Variants in RBFOX1 observed in about 807,000 individuals in gnomAD.
RBFOX1 encodes the protein RNA binding fox-1 homolog 1, also known as RNA binding protein fox-1 homolog 1.
In RBFOX1, 8 loss-of-function variants were observed where a neutral mutation model predicts 57.7. The observed-to-expected ratio is 0.14, with a 90% CI of 0.08 to 0.25. The LOEUF (loss-of-function observed/expected upper bound fraction) is 0.25. RBFOX1 is among the 10% of genes least tolerant of loss of function. The pLI, the probability that RBFOX1 is intolerant of heterozygous loss-of-function variation, is 1.00. For missense variants in RBFOX1, 611 were observed against 548.5 expected (o/e 1.11, Z -1.14); for synonymous variants, 326 against 222.4 (o/e 1.47, Z -4.15).
At chr16:7,423,487 G>C (rs757027216) in intron 4 of RBFOX1, among the ~76,000 whole-genome samples, 2 of 152,100 alleles carry the variant, frequency 1.3e-5, no homozygotes, top group East Asian at 1.9e-4. Flanking sequence ...AGATTTGGAA[G>C]GCTTTGGGGT....
In RBFOX1 at chr16:5,823,036, G is replaced by A. The variant is rs1446406742; in HGVS notation, c.319-44267G>A. Among the ~76,000 whole-genome samples the A allele has an allele frequency of 2.6e-5, 4 of 152,106 alleles. No individual in the cohort carries two copies. The East Asian group carries it at 7.7e-4, about 29-fold the overall frequency. ...GTAGATCTCAAGGACTTATTCATCAGTTTAAAATTAGTAATGCTATTGGGA... is the reference window on the plus strand; with the variant it reads ...GTAGATCTCAAGGACTTATTCATCAATTTAAAATTAGTAATGCTATTGGGA... On this transcript the variant is annotated intron_variant, in intron 3 of 19. Transcript: ENST00000641259.
chr16:7,097,771 C>T (rs1188590942), intron 4 of RBFOX1, among the ~76,000 whole-genome samples: 1 of 152,206 alleles, frequency 6.6e-6, no homozygotes, highest in African/African-American at 2.4e-5. Flanking sequence ...TCCAGAGATT[C>T]TGATGAAAAG....
intron 1 of RBFOX1, among the ~76,000 whole-genome samples, chr16:6,087,798 G>T (rs547775538): frequency 6.6e-6 from 1 of 151,990 alleles, no homozygotes; most frequent in Non-Finnish European, 1.5e-5. Context: ...GGCTATAGGC[G>T]AGCACCACCA....
intron 1 of RBFOX1, among the ~76,000 whole-genome samples, chr16:5,354,605 C>G (rs927879069): frequency 2.0e-5 from 3 of 152,252 alleles, no homozygotes; most frequent in Non-Finnish European, 4.4e-5. Context: ...AGCCGCTTTT[C>G]CAGGCCTTGT....
rs138937213 is a variant in RBFOX1 at position 6,529,971 on chromosome 16, C to G, written c.-63-124632C>G. ...GAAATAACTCAGATTTTTCAACTTT[C>G]TGGTCCCTTTTGGTTATTAGATATA... On this transcript the variant is annotated intron_variant, in intron 2 of 15. Coordinates refer to ENST00000550418, the MANE Select transcript of RBFOX1 (RefSeq NM_018723.4). Among the ~76,000 whole-genome samples, 90 of 152,208 alleles carry G rather than the reference C, an allele frequency of 5.9e-4. No individual in the cohort carries two copies. The East Asian group carries it at 7.4e-3, about 12-fold the overall frequency.
At chr16:6,718,154 G>A (rs896308282) in intron 3 of RBFOX1, among the ~76,000 whole-genome samples, 2 of 152,176 alleles carry the variant, frequency 1.3e-5, no homozygotes, top group African/African-American at 2.4e-5. Context: ...TTGCAAAGAT[G>A]TCCCCATCTT....
At chr16:6,810,964 T>C (rs1005464575) in intron 3 of RBFOX1, among the ~76,000 whole-genome samples, 3 of 152,146 alleles carry the variant, frequency 2.0e-5, no homozygotes, top group South Asian at 2.1e-4. Context: ...GTAACAGATA[T>C]TTCACTAAAT....
At chr16:6,980,065 A>C (rs1038008047) in intron 3 of RBFOX1, among the ~76,000 whole-genome samples, 1 of 152,102 alleles carries the variant, frequency 6.6e-6, no homozygotes, top group Non-Finnish European at 1.5e-5. Flanking sequence ...ATATAACCGC[A>C]TGGCACCTTG....
intron 3 of RBFOX1, among the ~76,000 whole-genome samples, chr16:6,769,358 T>C (rs952886525): frequency 6.6e-6 from 1 of 152,214 alleles, no homozygotes; most frequent in Non-Finnish European, 1.5e-5. Flanking sequence ...TCCCGTAAGT[T>C]GCCTAGGCTT....
At chr16:7,234,783 A>G (rs1054806252) in intron 4 of RBFOX1, among the ~76,000 whole-genome samples, 7 of 151,902 alleles carry the variant, frequency 4.6e-5, no homozygotes, top group African/African-American at 1.5e-4. Context: ...AATAGACTAC[A>G]TTCAAACTCA....
chr16:7,455,601 A>T (rs1351206859), intron 4 of RBFOX1, among the ~76,000 whole-genome samples: 2 of 151,730 alleles, frequency 1.3e-5, no homozygotes, highest in African/African-American at 4.8e-5. Context: ...AGACCAGCCT[A>T]GGCAACGTGG....
At chr16:6,876,834 A>C (rs1011291671) in intron 3 of RBFOX1, among the ~76,000 whole-genome samples, 1 of 152,198 alleles carries the variant, frequency 6.6e-6, no homozygotes, top group Admixed American at 6.5e-5. Context: ...GATGGATTTC[A>C]GATGTGAGCA....
chr16:5,383,249 T>G (rs2066173484), intron 1 of RBFOX1, among the ~76,000 whole-genome samples: 1 of 152,122 alleles, frequency 6.6e-6, no homozygotes, highest in Non-Finnish European at 1.5e-5. Context: ...AGATCTGAAA[T>G]TCATGAATGT....
chr16:6,163,223 C>G lies in RBFOX1; in HGVS notation c.-127+143231C>G, dbSNP rs140937430. 1.4e-3 allele frequency among the ~76,000 whole-genome samples: 215 copies of G among 152,266 alleles called. 2 individuals are homozygous for G. Among genetic ancestry groups the G allele is most frequent in the African/African-American group, 5.1e-3 (210 of 41,548 alleles). ...TGAGACTGGGATAAGGCCAAGGGGA[C>G]TCACCTGGCCAAAATACAAATAGAG... On this transcript the variant is annotated intron_variant, in intron 1 of 15. Coordinates refer to ENST00000550418, the MANE Select transcript of RBFOX1 (RefSeq NM_018723.4).
chr16:6,659,701 C>G (rs542380122), intron 3 of RBFOX1, among the ~76,000 whole-genome samples: 1 of 152,112 alleles, frequency 6.6e-6, no homozygotes, highest in Admixed American at 6.6e-5. Flanking sequence ...TTTCAGCTCC[C>G]ACATTGCAGC....
intron 4 of RBFOX1, among the ~76,000 whole-genome samples, chr16:7,289,477 A>G (rs2095716992): frequency 6.6e-6 from 1 of 152,144 alleles, no homozygotes; most frequent in Non-Finnish European, 1.5e-5. Context: ...TGTCACCACC[A>G]TTATGATTAT....
intron 2 of RBFOX1, among the ~76,000 whole-genome samples, chr16:6,443,754 T>C (rs73538163): frequency 0.041 from 6,233 of 151,456 alleles, 420 homozygotes; most frequent in African/African-American, 0.14. Flanking sequence ...CATCTGTCCA[T>C]CTACCCATCT....
At chr16:7,409,104 G>A (rs988402028) in intron 4 of RBFOX1, among the ~76,000 whole-genome samples, 2 of 152,194 alleles carry the variant, frequency 1.3e-5, no homozygotes, top group Admixed American at 6.5e-5. Flanking sequence ...CCTGAGCTGC[G>A]CTGTCGCTCT....
intron 1 of RBFOX1, among the ~76,000 whole-genome samples, chr16:6,118,793 C>CCT: frequency 6.8e-6 from 1 of 147,002 alleles, no homozygotes; most frequent in African/African-American, 2.7e-5. Flanking sequence ...CTCTTTCTCT[C>CCT]TCTCCTTCCT....
Sources: allele counts gnomAD v4.1 joint callset (sites outside exome capture counted in the v4.1 genomes callset), GRCh38; gene constraint gnomAD v4.1.1; transcripts MANE v1.5; gene names NCBI Gene and HGNC (gene_info 2026-07-23, HGNC 2026-07-21).